The following GRIA1 variants were observed in gnomAD, a reference collection of about 807,000 sequenced individuals.
GRIA1 encodes the protein glutamate receptor 1.
Under a neutral mutation model 99.2 loss-of-function variants are expected in GRIA1, and 31 were observed. That is an observed-to-expected ratio of 0.31 (90% CI 0.23 to 0.42). GRIA1 has a LOEUF of 0.42. Ranked by LOEUF, GRIA1 falls within the 10% of genes least tolerant of loss-of-function variation. The probability of loss-of-function intolerance (pLI) is 1.00; values close to 1 mark genes in which losing one functional copy is unlikely to be tolerated. For synonymous variants in GRIA1, 438 were observed against 432.4 expected, an observed-to-expected ratio of 1.01 and a Z score of -0.16; for missense variants, 782 against 1,157.5, an observed-to-expected ratio of 0.68 and a Z score of 4.71.
intron 2 of GRIA1, among the ~76,000 whole-genome samples, chr5:153,569,071 G>C (rs1208119203): frequency 6.6e-6 from 1 of 152,144 alleles, no homozygotes; most frequent in Non-Finnish European, 1.5e-5. Flanking sequence ...TTTGGTGGGG[G>C]GGTCTGATAG....
At chr5:153,739,313 C>T (rs1389178386) in intron 11 of GRIA1, among the ~76,000 whole-genome samples, 1 of 152,170 alleles carries the variant, frequency 6.6e-6, no homozygotes, top group Non-Finnish European at 1.5e-5. Flanking sequence ...TTTTCTCTGC[C>T]TGTAACAACC....
chr5:153,792,706 T>G (rs1367707380), intron 13 of GRIA1, among the ~76,000 whole-genome samples: 1 of 152,244 alleles, frequency 6.6e-6, no homozygotes, highest in African/African-American at 2.4e-5. Context: ...CCTTTCTTTC[T>G]TTCTGTCTGT....
chr5:153,586,148 T>G (rs1763467442), intron 2 of GRIA1, among the ~76,000 whole-genome samples: 1 of 152,212 alleles, frequency 6.6e-6, no homozygotes, highest in Non-Finnish European at 1.5e-5. Context: ...CTTCTTGTTG[T>G]CTGAAATTAT....
intron 14 of GRIA1, among the ~76,000 whole-genome samples, chr5:153,801,898 G>T (rs796900411): frequency 6.7e-5 from 8 of 118,930 alleles, no homozygotes; most frequent in African/African-American, 2.6e-4. Context: ...AATGCTCGGG[G>T]ACATAAACAA....
Position 153,811,785 on chromosome 5 carries a change from G to A in GRIA1, c.*560G>A, listed in dbSNP as rs1267573040. 1 of 154,336 alleles carries A rather than the reference G, an allele frequency of 6.5e-6. No homozygotes were observed. Among genetic ancestry groups the A allele is most frequent in the Non-Finnish European group, 1.4e-5 (1 of 69,636 alleles). The allele number at this position is 154,336 out of a possible 1,614,324, so 9.6% of individuals were successfully genotyped here. A position where few individuals can be genotyped will look rare whatever the true frequency, so the allele number is the denominator to read the frequency against. ...CTAATTCTCCATGGGGGCTCTCCATGTTACCCTCCACTCCTTGGCCCAAAC... is the reference window on the plus strand; with the variant it reads ...CTAATTCTCCATGGGGGCTCTCCATATTACCCTCCACTCCTTGGCCCAAAC... On this transcript the variant is annotated 3_prime_UTR_variant, in exon 16 of 16. Transcript: ENST00000285900.
intron 2 of GRIA1, among the ~76,000 whole-genome samples, chr5:153,547,801 CAGTT>C (rs1759744688): frequency 6.6e-6 from 1 of 152,150 alleles, no homozygotes; most frequent in Admixed American, 6.5e-5. Flanking sequence ...GATGTTATCA[CAGTT>C]AGCACCATCC....
chr5:153,634,695 T>C (rs1753226107), intron 2 of GRIA1, among the ~76,000 whole-genome samples: 2 of 152,190 alleles, frequency 1.3e-5, no homozygotes, highest in African/African-American at 4.8e-5. Context: ...CAAGACTCTA[T>C]TGGCCGAGCA....
At chr5:153,686,521 C>T (rs1285144760) in intron 8 of GRIA1, among the ~76,000 whole-genome samples, 192 bp downstream of exon 8, 1 of 152,168 alleles carries the variant, frequency 6.6e-6, no homozygotes, top group East Asian at 1.9e-4. Flanking sequence ...CTCTGAGAAT[C>T]CATTCATTCA....
At chr5:153,683,190 C>A (rs1168709829) in intron 7 of GRIA1, among the ~76,000 whole-genome samples, 1 of 152,216 alleles carries the variant, frequency 6.6e-6, no homozygotes, top group Non-Finnish European at 1.5e-5. Context: ...TGAGAAGCTT[C>A]TTCCTCTGTC....
chr5:153,796,514 C>T (rs574663162), intron 14 of GRIA1, among the ~76,000 whole-genome samples: 163 of 152,108 alleles, frequency 1.1e-3, no homozygotes, highest in Non-Finnish European at 1.1e-3. Context: ...TCTTAAAAAG[C>T]GAGAGGAGCA....
chr5:153,683,539 C>T (rs796254415), intron 7 of GRIA1, among the ~76,000 whole-genome samples: 9 of 152,282 alleles, frequency 5.9e-5, no homozygotes, highest in African/African-American at 2.2e-4. Flanking sequence ...GTGAGATCAC[C>T]GTGACAGTGC....
At chr5:153,520,538 A>T (rs1484610508) in intron 2 of GRIA1, among the ~76,000 whole-genome samples, 1 of 152,220 alleles carries the variant, frequency 6.6e-6, no homozygotes, top group Non-Finnish European at 1.5e-5. Context: ...TGAGGACATC[A>T]TTAAAATTGT....
chr5:153,604,873 G>A (rs1056977425), intron 2 of GRIA1, among the ~76,000 whole-genome samples: 5 of 152,104 alleles, frequency 3.3e-5, no homozygotes, highest in African/African-American at 9.7e-5. Flanking sequence ...GAAAATGCAA[G>A]CTACAGAAAG....
chr5:153,714,812 C>T (rs545834210), intron 11 of GRIA1, among the ~76,000 whole-genome samples: 22 of 152,354 alleles, frequency 1.4e-4, no homozygotes, highest in African/African-American at 5.0e-4. Flanking sequence ...TATGCTTTTA[C>T]CTCTAGCTAT....
intron 2 of GRIA1, among the ~76,000 whole-genome samples, chr5:153,614,429 A>T (rs1493405): frequency 0.22 from 33,637 of 152,138 alleles, 4,287 homozygotes; most frequent in Non-Finnish European, 0.29. Context: ...TGATTTTTAT[A>T]TGTATTTACT....
At chr5:153,798,519 T>C (rs765701633) in intron 14 of GRIA1, among the ~76,000 whole-genome samples, 1 of 152,170 alleles carries the variant, frequency 6.6e-6, no homozygotes, top group African/African-American at 2.4e-5. Context: ...GAAGCAAAAC[T>C]GCTTTTGCTT....
chr5:153,697,491 T>G (rs1758198526), intron 8 of GRIA1, among the ~76,000 whole-genome samples: 1 of 152,188 alleles, frequency 6.6e-6, no homozygotes, highest in Non-Finnish European at 1.5e-5. Flanking sequence ...CTCCTATATA[T>G]TCAATATTGT....
intron 11 of GRIA1, among the ~76,000 whole-genome samples, chr5:153,734,318 C>T (rs1031124462): frequency 6.6e-6 from 1 of 152,130 alleles, no homozygotes; most frequent in Non-Finnish European, 1.5e-5. Flanking sequence ...TAAGGACCCC[C>T]CTAAGAGCAG....
At chr5:153,549,951 T>C (rs1200418176) in intron 2 of GRIA1, among the ~76,000 whole-genome samples, 1 of 152,204 alleles carries the variant, frequency 6.6e-6, no homozygotes, top group Non-Finnish European at 1.5e-5. Context: ...AGAATTCCAG[T>C]TCTATCGCTT....
Sources: gnomAD v4.1 joint callset for allele counts (sites outside exome capture counted in the v4.1 genomes callset) on GRCh38, gnomAD v4.1.1 for gene constraint, MANE v1.5 for transcripts, NCBI Gene and HGNC (gene_info 2026-07-23, HGNC 2026-07-21) for gene names.